Variants in B4GALNT2 observed in about 807,000 individuals in gnomAD.
B4GALNT2 encodes the protein beta-1,4-N-acetyl-galactosaminyltransferase 2 (SID blood group), also known as N-acetylneuraminylgalactosylglucosyl-glucoside beta-1,4-N- acetylgalactosaminyltransferase 2.
Under a neutral mutation model 51.1 loss-of-function variants are expected in B4GALNT2, and 42 were observed. The observed-to-expected ratio is 0.82, with a 90% CI of 0.64 to 1.06. B4GALNT2 has a LOEUF of 1.06. B4GALNT2 is among the 50% of genes least tolerant of loss of function. The pLI is 0.00. For missense variants in B4GALNT2, 602 were observed against 633.6 expected, an observed-to-expected ratio of 0.95 and a Z score of 0.54; for synonymous variants, 253 against 251.7, an observed-to-expected ratio of 1.01 and a Z score of -0.05.
chr17:49,163,942 C>T (rs191539157), intron 7 of B4GALNT2, 146 bp from the exon 8 acceptor site: 4 of 707,394 alleles, frequency 5.7e-6, no homozygotes, highest in Admixed American at 2.7e-5. Flanking sequence ...CTAACAAACT[C>T]TTATTAAGCA....
chr17:49,139,188 T>A (rs1254152494), intron 1 of B4GALNT2, among the ~76,000 whole-genome samples: 1 of 152,232 alleles, frequency 6.6e-6, no homozygotes, highest in African/African-American at 2.4e-5. Context: ...TAAGCTAATC[T>A]TACTGCATTG....
At chr17:49,132,927 G>C (rs2042552755) in intron 1 of B4GALNT2, 121 bp downstream of exon 1, 16 of 1,379,588 alleles carry the variant, frequency 1.2e-5, no homozygotes, top group South Asian at 7.2e-5. Context: ...CGGAGCCAGG[G>C]AGCGGGCGGT....
At chr17:49,126,184 T>C in the B4GALNT2 span, among the ~76,000 whole-genome samples, 1 of 152,204 alleles carries the variant, frequency 6.6e-6, no homozygotes, top group African/African-American at 2.4e-5. Flanking sequence ...GGGATCCTGT[T>C]GATCTATGAC....
intron 1 of B4GALNT2, 22 bp downstream of exon 1, chr17:49,132,828 C>T: frequency 7.3e-7 from 1 of 1,376,500 alleles, no homozygotes. Context: ...CGGGGCAGAG[C>T]AGAGCGAGAG....
the B4GALNT2 span, among the ~76,000 whole-genome samples, chr17:49,123,827 A>G: frequency 6.6e-6 from 1 of 152,228 alleles, no homozygotes; most frequent in African/African-American, 2.4e-5. Flanking sequence ...ACGTGAGGCC[A>G]ATTTCCCAAG....
chr17:49,164,913 G>C (rs1387144744), intron 8 of B4GALNT2, among the ~76,000 whole-genome samples: 1 of 152,094 alleles, frequency 6.6e-6, no homozygotes, highest in Non-Finnish European at 1.5e-5. Context: ...AAAGGCTCAA[G>C]TGATTCTCTC....
intron 7 of B4GALNT2, among the ~76,000 whole-genome samples, chr17:49,162,156 C>A (rs61593380): frequency 0.62 from 92,878 of 150,610 alleles, 28,927 homozygotes; most frequent in East Asian, 0.84. Context: ...CCCGGCTAAT[C>A]AAATTAGCAA....
At position 49,163,400 on chromosome 17, in the gene B4GALNT2, G is replaced by T. The variant is rs145278447; in HGVS notation, c.767-688G>T. Among the ~76,000 whole-genome samples, 213 of 152,152 alleles carry T rather than the reference G, an allele frequency of 1.4e-3. 2 individuals carry two copies. In the East Asian group the frequency reaches 0.039, roughly 28 times the overall value. ...TGTAGATATTTTCTCCTCTTCCTGGGCTTCATGACCCTCCATATTGAACCC... is the reference window on the plus strand; with the variant it reads ...TGTAGATATTTTCTCCTCTTCCTGGTCTTCATGACCCTCCATATTGAACCC... On this transcript the variant is annotated intron_variant, in intron 7 of 10. Transcript: ENST00000393354.
chr17:49,137,353 G>A lies in B4GALNT2; in HGVS notation c.15-3894G>A, dbSNP rs192614988. On this transcript the variant is annotated intron_variant, in intron 1 of 10. Transcript: ENST00000393354. ...ATGGATTAATGCCATTATCATGGGA[G>A]TGGGTTCGTTATAGTAGGAGTGGAT... Among the ~76,000 whole-genome samples the A allele has an allele frequency of 1.8e-3, 268 of 152,326 alleles. 4 individuals are homozygous for A. Among genetic ancestry groups the A allele is most frequent in the African/African-American group, 5.8e-3 (241 of 41,560 alleles).
intron 6 of B4GALNT2, among the ~76,000 whole-genome samples, chr17:49,160,313 C>A (rs2042851176): frequency 6.6e-6 from 1 of 152,106 alleles, no homozygotes; most frequent in Non-Finnish European, 1.5e-5. Context: ...CAAGCCCACT[C>A]CACCCTAACA....
Position 49,175,427 on chromosome 17 carries a change from G to A in B4GALNT2, c.*5699G>A, listed in dbSNP as rs2042981314. The A allele has an allele frequency of 6.6e-6, 1 of 152,088 alleles. No individual in the cohort carries two copies. Among genetic ancestry groups the A allele is most frequent in the East Asian group, 1.9e-4 (1 of 5,196 alleles). The allele number at this position is 152,088 out of a possible 1,614,324, so 9.4% of individuals were successfully genotyped here. ...ATATAACAATTTGAATTTCCCCATT[G>A]TAATCTGAATCAATGACTCCTGTAT... On this transcript the variant is annotated 3_prime_UTR_variant, in exon 11 of 11. Coordinates refer to ENST00000393354, the MANE Select transcript of B4GALNT2 (RefSeq NM_001159387.2).
the B4GALNT2 span, among the ~76,000 whole-genome samples, chr17:49,125,821 A>G: frequency 1.2e-4 from 2 of 17,120 alleles, no homozygotes; most frequent in Non-Finnish European, 3.2e-4. Flanking sequence ...GGCCGCCCCT[A>G]CTGGGAAGTG....
intron 4 of B4GALNT2, among the ~76,000 whole-genome samples, 157 bp downstream of exon 4, chr17:49,153,063 A>G (rs1239375205): frequency 1.3e-5 from 2 of 152,126 alleles, no homozygotes. Context: ...TCATCTTGCC[A>G]ATACACTCCA....
chr17:49,132,216 G>C (rs1001884726), upstream of B4GALNT2, among the ~76,000 whole-genome samples: 2 of 152,150 alleles, frequency 1.3e-5, no homozygotes, highest in Non-Finnish European at 2.9e-5. Flanking sequence ...ACTGAGCCTG[G>C]CTTATGAAAA....
chr17:49,142,394 C>T (rs958656746), intron 3 of B4GALNT2, among the ~76,000 whole-genome samples: 1 of 152,102 alleles, frequency 6.6e-6, no homozygotes, highest in Admixed American at 6.6e-5. Flanking sequence ...ATAACAACAA[C>T]AACAACAACA....
intron 4 of B4GALNT2, among the ~76,000 whole-genome samples, chr17:49,156,223 T>C (rs2042808868): frequency 6.6e-6 from 1 of 152,162 alleles, no homozygotes; most frequent in South Asian, 2.1e-4. Context: ...TCTCTATGGG[T>C]TTGGCTACTC....
intron 3 of B4GALNT2, chr17:49,148,449 C>T: frequency 3.4e-6 from 1 of 291,892 alleles, no homozygotes; most frequent in South Asian, 3.2e-5. Flanking sequence ...GTGGGCTTCC[C>T]CACTTGTGGG....
Position 49,171,449 on chromosome 17 carries a change from C to A in B4GALNT2, c.*1721C>A. 1 of 409,610 alleles carries A rather than the reference C, an allele frequency of 2.4e-6. No individual in the cohort carries two copies. Among genetic ancestry groups the A allele is most frequent in the South Asian group, 1.8e-5 (1 of 55,572 alleles). 25.4% of individuals were successfully genotyped at this position (409,610 alleles called of 1,614,324 possible). ...CTTTTAATTTTGCAATATGCAAAGA[C>A]AAGTTTGTAGAGTGTCCTTCTAGAT... On this transcript the variant is annotated 3_prime_UTR_variant, in exon 11 of 11. Coordinates refer to ENST00000393354, the MANE Select transcript of B4GALNT2 (RefSeq NM_001159387.2).
chr17:49,120,675 T>A, the B4GALNT2 span, among the ~76,000 whole-genome samples: 5 of 151,902 alleles, frequency 3.3e-5, no homozygotes, highest in African/African-American at 4.8e-5. Flanking sequence ...CTGGCTAATT[T>A]TTTTTTGTAT....
Sources: gnomAD v4.1 joint callset for allele counts (sites outside exome capture counted in the v4.1 genomes callset) on GRCh38, gnomAD v4.1.1 for gene constraint, MANE v1.5 for transcripts, NCBI Gene and HGNC (gene_info 2026-07-23, HGNC 2026-07-21) for gene names.